MAGI2: variants seen among roughly 807,000 people sequenced by gnomAD.
The protein encoded by MAGI2 is membrane associated guanylate kinase, WW and PDZ domain containing 2.
Under a neutral mutation model 133.3 loss-of-function variants are expected in MAGI2, and 35 were observed. The observed-to-expected ratio is 0.26, with a 90% CI of 0.20 to 0.35. The LOEUF (loss-of-function observed/expected upper bound fraction) is 0.35. MAGI2 is among the 10% of genes least tolerant of loss of function. The pLI, the probability that MAGI2 is intolerant of heterozygous loss-of-function variation, is 1.00. For missense variants in MAGI2, 1,636 were observed against 1,863.4 expected (o/e 0.88, Z 2.25); for synonymous variants, 729 against 710.6 (o/e 1.03, Z -0.41).
At chr7:79,391,536 T>C (rs201051928) in intron 1 of MAGI2, among the ~76,000 whole-genome samples, 6 of 54,144 alleles carry the variant, frequency 1.1e-4, no homozygotes, top group East Asian at 1.1e-3. Context: ...TATATATATA[T>C]AGACATATAT....
chr7:78,317,357 G>A lies in MAGI2; in HGVS notation c.1408+26421C>T, dbSNP rs1476636672. Among the ~76,000 whole-genome samples, 6 of 152,286 alleles carry A rather than the reference G, an allele frequency of 3.9e-5. No individual in the cohort carries two copies. The East Asian group carries it at 1.2e-3, about 29-fold the overall frequency. The stretch of plus-strand genomic sequence containing the variant: ...ATATGGATGATTAAATACCAACAGT[G>A]TACTGTTTCTGTACTAAACACAGAA... On this transcript the variant is annotated intron_variant, in intron 9 of 21. Transcript: ENST00000354212.
chr7:78,065,372 A>G (rs561937799), intron 21 of MAGI2, among the ~76,000 whole-genome samples: 34 of 152,288 alleles, frequency 2.2e-4, no homozygotes, highest in African/African-American at 8.2e-4. Flanking sequence ...GGCCCCTGCT[A>G]GAATGCGGTG....
intron 1 of MAGI2, among the ~76,000 whole-genome samples, chr7:79,023,006 C>A (rs1809499134): frequency 6.6e-6 from 1 of 152,014 alleles, no homozygotes; most frequent in African/African-American, 2.4e-5. Flanking sequence ...CATCATCCTG[C>A]ATAAAAACTT....
At chr7:78,361,629 A>C (rs1384240484) in intron 7 of MAGI2, among the ~76,000 whole-genome samples, 3 of 152,216 alleles carry the variant, frequency 2.0e-5, no homozygotes, top group Non-Finnish European at 1.5e-5. Context: ...TGAATAATTC[A>C]TTGTTATTTG....
At chr7:79,425,062 A>C (rs1847243380) in intron 1 of MAGI2, among the ~76,000 whole-genome samples, 1 of 152,024 alleles carries the variant, frequency 6.6e-6, no homozygotes. Flanking sequence ...AGCCTGGCCA[A>C]GATGGTGAAA....
Position 78,168,448 on chromosome 7 carries a change from G to A in MAGI2, c.2404-340C>T, listed in dbSNP as rs1176279685. On this transcript the variant is annotated intron_variant, in intron 14 of 21. Transcript: ENST00000354212. Reference sequence around the variant, plus strand: ...TTTTGAACATGCTGCAGACTGCCATGAAGTTTTGGGGACACCTGCTTTCTG... The same window carrying A: ...TTTTGAACATGCTGCAGACTGCCATAAAGTTTTGGGGACACCTGCTTTCTG... 2.6e-5 allele frequency among the ~76,000 whole-genome samples: 4 copies of A among 152,306 alleles called. No individual in the cohort carries two copies. In the East Asian group the frequency reaches 7.7e-4, roughly 29 times the overall value.
At chr7:78,285,123 T>C (rs567012152) in intron 9 of MAGI2, among the ~76,000 whole-genome samples, 26 of 152,140 alleles carry the variant, frequency 1.7e-4, no homozygotes, top group African/African-American at 5.1e-4. Flanking sequence ...GAAAGCACTG[T>C]TTCTAGTACA....
chr7:78,529,668 GTTTTTTT>G (rs554010061), intron 3 of MAGI2, among the ~76,000 whole-genome samples: 7 of 57,424 alleles, frequency 1.2e-4, no homozygotes, highest in Admixed American at 2.9e-4. Flanking sequence ...AAAGGAGATG[GTTTTTTT>G]TTTTTTTTTT....
chr7:79,390,323 TG>T (rs1844509230), intron 1 of MAGI2, among the ~76,000 whole-genome samples: 1 of 152,200 alleles, frequency 6.6e-6, no homozygotes, highest in Admixed American at 6.6e-5. Context: ...AAGACAACTC[TG>T]TATGGCTTTA....
intron 2 of MAGI2, among the ~76,000 whole-genome samples, chr7:78,909,553 A>G (rs1333221322): frequency 6.8e-6 from 1 of 147,038 alleles, no homozygotes; most frequent in Non-Finnish European, 1.5e-5. Context: ...CAGTGAGCCG[A>G]CATCATGCCA....
intron 1 of MAGI2, among the ~76,000 whole-genome samples, chr7:79,174,784 A>G (rs567672175): frequency 6.6e-6 from 1 of 151,982 alleles, no homozygotes; most frequent in Non-Finnish European, 1.5e-5. Context: ...CAAAATGTTT[A>G]CTTTCAAAAA....
At chr7:78,928,767 G>A (rs747690935) in intron 2 of MAGI2, among the ~76,000 whole-genome samples, 15 of 151,996 alleles carry the variant, frequency 9.9e-5, no homozygotes, top group South Asian at 4.1e-4. Context: ...ATGCACCGGA[G>A]AGAACAGCAA....
At chr7:78,731,283 G>T (rs928914883) in intron 2 of MAGI2, among the ~76,000 whole-genome samples, 18 of 152,054 alleles carry the variant, frequency 1.2e-4, no homozygotes, top group Admixed American at 2.0e-4. Flanking sequence ...TGTAAAAATT[G>T]CTTCTGAAAA....
intron 3 of MAGI2, among the ~76,000 whole-genome samples, chr7:78,554,108 C>T (rs542360431): frequency 1.3e-5 from 2 of 152,300 alleles, no homozygotes; most frequent in African/African-American, 4.8e-5. Context: ...TTCTGAGATG[C>T]TCTCCAGGAA....
chr7:78,705,365 G>A lies in MAGI2; in HGVS notation c.419-78126C>T, dbSNP rs144477751. On this transcript the variant is annotated intron_variant, in intron 2 of 21. Transcript: ENST00000354212. ...CTTGTGCCATGGTTGTAATTTTCCTGAGGCTTCCCCAGCCATGTGGAACTG... is the reference window on the plus strand; with the variant it reads ...CTTGTGCCATGGTTGTAATTTTCCTAAGGCTTCCCCAGCCATGTGGAACTG... Among the ~76,000 whole-genome samples, 299 of 152,126 alleles carry A rather than the reference G, an allele frequency of 2.0e-3. 1 individual carries two copies. The South Asian group carries it at 0.02, about 10-fold the overall frequency.
chr7:79,425,517 T>C (rs1304322929), intron 1 of MAGI2, among the ~76,000 whole-genome samples: 1 of 151,168 alleles, frequency 6.6e-6, no homozygotes, highest in Admixed American at 6.6e-5. Context: ...AATACTAACA[T>C]CCTAAAGCTA....
chr7:78,491,871 T>TTGTGTGTGTGTGTGTGTGTG (rs10598552), intron 5 of MAGI2, among the ~76,000 whole-genome samples: 1 of 141,108 alleles, frequency 7.1e-6, no homozygotes, highest in Non-Finnish European at 1.6e-5. Context: ...TCCGTTCAAA[T>TTGTGTGTGTGTGTGTGTGTG]TGTGTGTGTG....
chr7:78,426,645 G>C (rs531963724), intron 6 of MAGI2, among the ~76,000 whole-genome samples: 1 of 151,836 alleles, frequency 6.6e-6, no homozygotes, highest in African/African-American at 2.4e-5. Context: ...GAAATGAACA[G>C]AGCTTCAATA....
chr7:78,099,085 C>A (rs1476001564), intron 20 of MAGI2, among the ~76,000 whole-genome samples: 1 of 152,066 alleles, frequency 6.6e-6, no homozygotes, highest in African/African-American at 2.4e-5. Flanking sequence ...AGTTTAAGAA[C>A]AATACCTATG....
Sources: allele counts gnomAD v4.1 joint callset (sites outside exome capture counted in the v4.1 genomes callset), GRCh38; gene constraint gnomAD v4.1.1; transcripts MANE v1.5; gene names NCBI Gene and HGNC (gene_info 2026-07-23, HGNC 2026-07-21).